The following DOCK9 variants were observed in gnomAD, a reference collection of about 807,000 sequenced individuals.
DOCK9 encodes dedicator of cytokinesis protein 9.
In DOCK9, 89 loss-of-function variants were observed where a neutral mutation model predicts 263.3. The observed-to-expected ratio is 0.34, with a 90% CI of 0.28 to 0.40. The LOEUF (loss-of-function observed/expected upper bound fraction) is 0.40. Among genes scored for constraint, DOCK9 ranks in the 10% least tolerant of loss-of-function variants. The pLI is 1.00. For missense variants in DOCK9, 2,140 were observed against 2,603.4 expected, an observed-to-expected ratio of 0.82 and a Z score of 3.87; for synonymous variants, 976 against 973.1, an observed-to-expected ratio of 1.00 and a Z score of -0.06.
intron 30 of DOCK9, chr13:98,867,110 T>C (rs1211264367): frequency 4.3e-6 from 2 of 465,684 alleles, no homozygotes; most frequent in Admixed American, 2.5e-5. Context: ...GAAAAGCTAA[T>C]TCATAAGAAA....
intron 1 of DOCK9, among the ~76,000 whole-genome samples, chr13:99,020,199 C>G (rs1217886579): frequency 6.6e-6 from 1 of 152,182 alleles, no homozygotes; most frequent in African/African-American, 2.4e-5. Context: ...CAGGAGAGAA[C>G]TCAACAAGAA....
At chr13:98,984,768 GC>G (rs998499263) in intron 1 of DOCK9, among the ~76,000 whole-genome samples, 13 of 152,132 alleles carry the variant, frequency 8.5e-5, no homozygotes, top group Admixed American at 5.9e-4. Context: ...ACCTCTCTGG[GC>G]CCCACAGACT....
At chr13:98,816,071 T>C (rs1345935802) in intron 45 of DOCK9, among the ~76,000 whole-genome samples, 1 of 152,194 alleles carries the variant, frequency 6.6e-6, no homozygotes, top group African/African-American at 2.4e-5. Context: ...TGTTCAAATA[T>C]TTATCAAGCA....
chr13:98,998,462 T>A (rs889193683), intron 1 of DOCK9, among the ~76,000 whole-genome samples: 3 of 152,200 alleles, frequency 2.0e-5, no homozygotes, highest in African/African-American at 7.2e-5. Flanking sequence ...ACAGCACTCA[T>A]GGCCTTGGTT....
chr13:98,915,224 C>T, intron 8 of DOCK9, 105 bp downstream of exon 8: 2 of 1,106,396 alleles, frequency 1.8e-6, no homozygotes, highest in South Asian at 3.4e-5. Context: ...TCCGTCCCAC[C>T]TCTCATGTAC....
upstream of DOCK9, among the ~76,000 whole-genome samples, chr13:98,978,841 G>A (rs1310222836): frequency 6.6e-6 from 1 of 152,090 alleles, no homozygotes; most frequent in Non-Finnish European, 1.5e-5. Flanking sequence ...GAAAATAGCT[G>A]GATCACCAAC....
intron 1 of DOCK9, among the ~76,000 whole-genome samples, chr13:99,056,794 C>A (rs1483970369): frequency 6.6e-6 from 1 of 152,194 alleles, no homozygotes; most frequent in African/African-American, 2.4e-5. Context: ...TGATGCAAGG[C>A]CCCCCAGGAC....
chr13:98,867,794 T>C lies in DOCK9; in HGVS notation c.3174+134A>G, dbSNP rs1173210113. 3.5e-6 allele frequency: 3 copies of C among 852,026 alleles called. No homozygotes were observed. In the East Asian group the frequency reaches 8.0e-5, roughly 23 times the overall value. 52.8% of individuals were successfully genotyped at this position (852,026 alleles called of 1,614,324 possible). ...TCAATGAAGGACTTCAGGTAGCTTA[T>C]AATTACAGACACAGGCTCAATACAA... is the stretch of plus-strand genomic sequence containing the variant. On this transcript the variant is annotated intron_variant, in intron 29 of 52. Coordinates refer to ENST00000682017, the MANE Select transcript of DOCK9 (RefSeq NM_001366683.2).
chr13:98,824,896 T>C (rs879854887), intron 44 of DOCK9, among the ~76,000 whole-genome samples: 1 of 152,078 alleles, frequency 6.6e-6, no homozygotes, highest in Non-Finnish European at 1.5e-5. Context: ...ATAAGAGAAA[T>C]GTATGATTCA....
chr13:98,838,394 G>C (rs1309682948), intron 38 of DOCK9, among the ~76,000 whole-genome samples: 1 of 152,204 alleles, frequency 6.6e-6, no homozygotes, highest in Non-Finnish European at 1.5e-5. Context: ...AATAACTTCA[G>C]GAGCTATGTT....
chr13:98,865,909 G>A (rs182359925), intron 30 of DOCK9, among the ~76,000 whole-genome samples: 20 of 152,152 alleles, frequency 1.3e-4, no homozygotes, highest in African/African-American at 4.8e-4. Context: ...TGAGGTGGAG[G>A]GGTGGCATGA....
chr13:98,926,655 C>T (rs1283936382), intron 3 of DOCK9, among the ~76,000 whole-genome samples: 1 of 152,216 alleles, frequency 6.6e-6, no homozygotes, highest in East Asian at 1.9e-4. Context: ...TATAATGCCA[C>T]ATCCACCAGA....
rs2050741380 is a variant in DOCK9 at position 98,915,498 on chromosome 13, G to A, written c.723C>T (p.Asn241=). The A allele has an allele frequency of 1.9e-6, 3 of 1,610,154 alleles. No homozygotes were observed. The Admixed American group carries it at 5.1e-5, about 27-fold the overall frequency. The part of the protein sequence containing the change: ...LDSCMGVVQN[N]KVRRFAFELK... Reference sequence around the variant, plus strand: ...GCTCAAAAGCAAAACGCCTGACTTTGTTGTTCTGAAATGAAAAAAGGATAA... The same window carrying A: ...GCTCAAAAGCAAAACGCCTGACTTTATTGTTCTGAAATGAAAAAAGGATAA... The change falls in exon 8 of 53, where the codon AAC becomes AAT. Residue 241 remains asparagine, a synonymous_variant. Coordinates refer to ENST00000682017, the MANE Select transcript of DOCK9 (RefSeq NM_001366683.2).
At chr13:99,077,129 C>G (rs898876041) in intron 1 of DOCK9, among the ~76,000 whole-genome samples, 1 of 151,986 alleles carries the variant, frequency 6.6e-6, no homozygotes, top group Non-Finnish European at 1.5e-5. Context: ...AGTTTGTATC[C>G]CAAGGGCAAT....
intron 1 of DOCK9, among the ~76,000 whole-genome samples, chr13:99,040,406 A>G (rs990796720): frequency 6.6e-6 from 1 of 152,138 alleles, no homozygotes; most frequent in Admixed American, 6.5e-5. Flanking sequence ...TAAGACCCAA[A>G]AGGAAATTGA....
At chr13:98,922,540 T>G (rs1231380301) in intron 5 of DOCK9, among the ~76,000 whole-genome samples, 1 of 152,114 alleles carries the variant, frequency 6.6e-6, no homozygotes, top group African/African-American at 2.4e-5. Flanking sequence ...CACATGCACA[T>G]TCCTGGAAAC....
chr13:98,797,110 C>T lies in DOCK9; in HGVS notation c.6156+5G>A. The stretch of plus-strand genomic sequence containing the variant: ...CCAAGTTGTTGGAGCCAGTGCGGCC[C>T]TCACCTGCTCATGCATGATTTCAGA... On this transcript the variant is annotated splice_donor_5th_base_variant and intron_variant, in intron 52 of 52. Coordinates refer to ENST00000682017, the MANE Select transcript of DOCK9 (RefSeq NM_001366683.2). 3 of 1,614,012 alleles carry T rather than the reference C, an allele frequency of 1.9e-6. No individual in the cohort carries two copies. The highest frequency in any genetic ancestry group is 2.5e-6 in the Non-Finnish European group (3 of 1,179,902).
intron 8 of DOCK9, among the ~76,000 whole-genome samples, chr13:98,914,669 T>G (rs1292818933): frequency 6.6e-6 from 1 of 152,180 alleles, no homozygotes; most frequent in Non-Finnish European, 1.5e-5. Context: ...GACACGTCCA[T>G]GAGACCCCCT....
chr13:98,955,367 A>C (rs2057931947), intron 2 of DOCK9, 68 bp downstream of exon 2: 1 of 1,022,844 alleles, frequency 9.8e-7, no homozygotes, highest in African/African-American at 1.6e-5. Flanking sequence ...ATAAATCAAT[A>C]CATAGAAAAA....
Sources: allele counts gnomAD v4.1 joint callset (sites outside exome capture counted in the v4.1 genomes callset), GRCh38; gene constraint gnomAD v4.1.1; transcripts MANE v1.5; gene names NCBI Gene and HGNC (gene_info 2026-07-23, HGNC 2026-07-21).